EEFSEC: variants seen among roughly 807,000 people sequenced by gnomAD.
EEFSEC encodes the protein eukaryotic elongation factor, selenocysteine-tRNA specific.
EEFSEC carries 43 observed loss-of-function variants against 42.1 expected under a neutral mutation model. That is an observed-to-expected ratio of 1.02 (90% CI 0.80 to 1.32). EEFSEC has a LOEUF of 1.32. EEFSEC is among the 40% of genes most tolerant of loss of function. The pLI is 0.00. For missense variants in EEFSEC, 745 were observed against 803.6 expected (o/e 0.93, Z 0.88); for synonymous variants, 354 against 339.1 (o/e 1.04, Z -0.48).
intron 6 of EEFSEC, among the ~76,000 whole-genome samples, chr3:128,359,997 G>A (rs916417223): frequency 2.0e-5 from 3 of 152,212 alleles, no homozygotes; most frequent in African/African-American, 7.2e-5. Context: ...CTTCTCATGA[G>A]CAAGGGCAAT....
At chr3:128,201,145 T>G (rs748040889) in intron 1 of EEFSEC, among the ~76,000 whole-genome samples, 35 of 152,210 alleles carry the variant, frequency 2.3e-4, no homozygotes, top group Non-Finnish European at 4.3e-4. Context: ...TTTAAAATAC[T>G]AATTCCATTT....
At chr3:128,375,693 G>T (rs576126929) in intron 6 of EEFSEC, among the ~76,000 whole-genome samples, 97 of 152,236 alleles carry the variant, frequency 6.4e-4, no homozygotes, top group African/African-American at 2.2e-3. Context: ...CCTCCTTTGC[G>T]CATCTCTTCC....
intron 6 of EEFSEC, among the ~76,000 whole-genome samples, chr3:128,379,998 A>G (rs900864578): frequency 6.6e-6 from 1 of 152,250 alleles, no homozygotes; most frequent in African/African-American, 2.4e-5. Context: ...TGACTGACCT[A>G]TGGCTTCTGA....
chr3:128,241,320 C>T (rs2066068956), intron 1 of EEFSEC, among the ~76,000 whole-genome samples: 1 of 148,576 alleles, frequency 6.7e-6, no homozygotes, highest in South Asian at 2.1e-4. Flanking sequence ...GGTGATTATC[C>T]TACCTTAGCC....
At chr3:128,396,204 G>A (rs2067979604) in intron 6 of EEFSEC, among the ~76,000 whole-genome samples, 1 of 152,180 alleles carries the variant, frequency 6.6e-6, no homozygotes, top group African/African-American at 2.4e-5. Flanking sequence ...GACCAGGCCT[G>A]GCTTACCAAC....
chr3:128,406,203 A>G (rs2068108222), intron 6 of EEFSEC, among the ~76,000 whole-genome samples: 1 of 152,228 alleles, frequency 6.6e-6, no homozygotes, highest in Non-Finnish European at 1.5e-5. Context: ...AGTGGCCCAC[A>G]TGGAGGCTGC....
At chr3:128,324,185 A>G (rs1170754115) in intron 4 of EEFSEC, among the ~76,000 whole-genome samples, 2 of 152,196 alleles carry the variant, frequency 1.3e-5, no homozygotes, top group East Asian at 3.8e-4. Context: ...TGAGTTTTCT[A>G]CAGTGTCAGT....
At chr3:128,280,533 T>C (rs1411994849) in intron 4 of EEFSEC, among the ~76,000 whole-genome samples, 1 of 152,210 alleles carries the variant, frequency 6.6e-6, no homozygotes, top group East Asian at 1.9e-4. Flanking sequence ...GGCCACCTCC[T>C]TTTCAGAAAG....
At chr3:128,379,972 GC>G (rs1254667105) in intron 6 of EEFSEC, among the ~76,000 whole-genome samples, 1 of 152,378 alleles carries the variant, frequency 6.6e-6, no homozygotes, top group East Asian at 1.9e-4. Context: ...TAGGGCCTCG[GC>G]CCCTGTGTGT....
intron 1 of EEFSEC, among the ~76,000 whole-genome samples, chr3:128,220,828 G>T (rs1026745524): frequency 6.6e-6 from 1 of 152,244 alleles, no homozygotes; most frequent in Non-Finnish European, 1.5e-5. Context: ...GTGCATTGCT[G>T]CCAGTTCTTA....
At chr3:128,214,987 G>A (rs2065795099) in intron 1 of EEFSEC, among the ~76,000 whole-genome samples, 1 of 152,178 alleles carries the variant, frequency 6.6e-6, no homozygotes, top group African/African-American at 2.4e-5. Flanking sequence ...AGTTGAGGTG[G>A]CTGGTGAGGA....
downstream of EEFSEC, among the ~76,000 whole-genome samples, chr3:128,413,538 G>A (rs1289324225): frequency 6.6e-6 from 1 of 152,174 alleles, no homozygotes; most frequent in African/African-American, 2.4e-5. Flanking sequence ...ACCCAGGCCA[G>A]CAGGTTGTAG....
At position 128,408,158 on chromosome 3, in the gene EEFSEC, G is replaced by C; in HGVS notation, c.1690G>C (p.Glu564Gln). Residue 564 changes from glutamate to glutamine, a missense_variant, in exon 7 of 7, where the codon GAG becomes CAG. Glu to Gln is a conservative substitution (Grantham distance 29). Transcript: ENST00000254730. ...AGRGEATRQE[E>Q]SAERSEPSQH... is the part of the protein sequence containing the mutation. ...CCGTGGGGAGGCCACCAGGCAGGAG[G>C]AGAGCGCCGAGCGGAGCGAGCCCTC... 1 of 1,612,854 alleles carries C rather than the reference G, an allele frequency of 6.2e-7. No homozygotes were observed. The highest frequency in any genetic ancestry group is 8.5e-7 in the Non-Finnish European group (1 of 1,179,452).
chr3:128,322,641 G>A (rs188238718), intron 4 of EEFSEC, among the ~76,000 whole-genome samples: 2 of 152,348 alleles, frequency 1.3e-5, no homozygotes, highest in African/African-American at 2.4e-5. Context: ...ATTGTGAGCC[G>A]TTCAGACATG....
chr3:128,416,617 C>G, the EEFSEC span, among the ~76,000 whole-genome samples: 1 of 152,256 alleles, frequency 6.6e-6, no homozygotes, highest in African/African-American at 2.4e-5. Context: ...GCAGGGGACA[C>G]ACAGGACAGG....
At chr3:128,178,159 T>C (rs776478907) in intron 1 of EEFSEC, among the ~76,000 whole-genome samples, 1 of 152,200 alleles carries the variant, frequency 6.6e-6, no homozygotes, top group Non-Finnish European at 1.5e-5. Flanking sequence ...AACTAAGTAA[T>C]TTTCAGTGAA....
intron 4 of EEFSEC, among the ~76,000 whole-genome samples, chr3:128,293,550 A>G (rs573022683): frequency 3.2e-4 from 49 of 151,624 alleles, no homozygotes; most frequent in Non-Finnish European, 5.2e-4. Flanking sequence ...AGTCCCAGCT[A>G]CTCGGGAGGC....
intron 1 of EEFSEC, among the ~76,000 whole-genome samples, chr3:128,213,886 CAA>C (rs1323614417): frequency 6.6e-6 from 1 of 152,018 alleles, no homozygotes; most frequent in Non-Finnish European, 1.5e-5. Flanking sequence ...CCAAGAATGT[CAA>C]AGTCACAAAA....
At chr3:128,231,093 T>G (rs2065955127) in intron 1 of EEFSEC, among the ~76,000 whole-genome samples, 1 of 152,048 alleles carries the variant, frequency 6.6e-6, no homozygotes, top group African/African-American at 2.4e-5. Context: ...TCTCCTGTCT[T>G]CCCTCGCCTC....
Sources: allele counts gnomAD v4.1 joint callset (sites outside exome capture counted in the v4.1 genomes callset), GRCh38; gene constraint gnomAD v4.1.1; transcripts MANE v1.5; gene names NCBI Gene and HGNC (gene_info 2026-07-23, HGNC 2026-07-21).